The following RFPL1 variants were observed in gnomAD, a reference collection of about 807,000 sequenced individuals.
RFPL1 encodes ret finger protein-like 1.
In RFPL1, 6 loss-of-function variants were observed where a neutral mutation model predicts 9.6. The ratio of observed to expected loss-of-function variants is 0.62; its 90% CI spans 0.34 to 1.23. RFPL1 has a LOEUF of 1.23. RFPL1 is among the 50% of genes most tolerant of loss of function. RFPL1 has a pLI of 0.03. For synonymous variants in RFPL1, 145 were observed against 149.4 expected, an observed-to-expected ratio of 0.97 and a Z score of 0.22; for missense variants, 352 against 398.4, an observed-to-expected ratio of 0.88 and a Z score of 0.99.
chr22:29,427,810 A>G, the RFPL1 span, among the ~76,000 whole-genome samples: 1 of 152,160 alleles, frequency 6.6e-6, no homozygotes, highest in Non-Finnish European at 1.5e-5. Context: ...CTGTTCCAGG[A>G]GGCCTCTAAG....
the RFPL1 span, among the ~76,000 whole-genome samples, chr22:29,404,018 G>A: frequency 7.2e-5 from 11 of 151,920 alleles, no homozygotes; most frequent in Admixed American, 5.9e-4. Flanking sequence ...TAACTGAAAT[G>A]TCTAGTAAGG....
chr22:29,397,532 G>A, the RFPL1 span, among the ~76,000 whole-genome samples: 11 of 152,200 alleles, frequency 7.2e-5, no homozygotes, highest in East Asian at 1.9e-4. Context: ...GTTACCTGCC[G>A]ACCGATGGGC....
chr22:29,427,723 G>C, the RFPL1 span, among the ~76,000 whole-genome samples: 1 of 152,196 alleles, frequency 6.6e-6, no homozygotes, highest in Non-Finnish European at 1.5e-5. Flanking sequence ...CTGGACTGGG[G>C]GTGGGGGTGA....
upstream of RFPL1, among the ~76,000 whole-genome samples, chr22:29,435,983 C>G (rs534176027): frequency 1.3e-3 from 192 of 152,152 alleles, no homozygotes; most frequent in African/African-American, 4.5e-3. Context: ...TATATGGGAG[C>G]TAAATGAAAA....
At chr22:29,405,793 G>A in the RFPL1 span, among the ~76,000 whole-genome samples, 2 of 152,164 alleles carry the variant, frequency 1.3e-5, no homozygotes, top group Non-Finnish European at 1.5e-5. Flanking sequence ...CCGTCCCTCG[G>A]GGCTAATGTG....
At chr22:29,409,908 A>G in the RFPL1 span, among the ~76,000 whole-genome samples, 2 of 152,112 alleles carry the variant, frequency 1.3e-5, no homozygotes, top group Non-Finnish European at 2.9e-5. Flanking sequence ...ATCACTTACA[A>G]ATTATCTGGT....
the RFPL1 span, among the ~76,000 whole-genome samples, chr22:29,411,511 AT>A: frequency 0.26 from 40,295 of 152,192 alleles, 7,142 homozygotes; most frequent in East Asian, 0.47. Context: ...CATGCATTTT[AT>A]CTTCTTCAAA....
the RFPL1 span, among the ~76,000 whole-genome samples, chr22:29,408,955 A>G: frequency 6.9e-6 from 1 of 144,766 alleles, no homozygotes; most frequent in East Asian, 1.9e-4. Context: ...TATTTCACCA[A>G]GTGAATAAAG....
At chr22:29,433,540 T>C in the RFPL1 span, 1 of 179,272 alleles carries the variant, frequency 5.6e-6, no homozygotes, top group Non-Finnish European at 1.2e-5. Flanking sequence ...AACCCAAGGA[T>C]GCGGAAGTTT....
chr22:29,417,172 C>T, the RFPL1 span, among the ~76,000 whole-genome samples: 28,275 of 151,696 alleles, frequency 0.19, 3,196 homozygotes, highest in Non-Finnish European at 0.26. Flanking sequence ...GAGGCCGACT[C>T]GCTCTTTGGG....
the RFPL1 span, among the ~76,000 whole-genome samples, chr22:29,390,582 T>TTTTAATTATTTTTTA: frequency 1.4e-5 from 2 of 146,838 alleles, no homozygotes; most frequent in African/African-American, 5.1e-5. Flanking sequence ...CTTATTCCAT[T>TTTTAATTATTTTTTA]TTTATTTATT....
the RFPL1 span, among the ~76,000 whole-genome samples, chr22:29,404,455 T>C: frequency 4.6e-5 from 7 of 152,044 alleles, no homozygotes; most frequent in South Asian, 1.2e-3. Context: ...AGGTGTAATA[T>C]GAGAATTTTC....
At chr22:29,394,751 T>C in the RFPL1 span, among the ~76,000 whole-genome samples, 1 of 152,218 alleles carries the variant, frequency 6.6e-6, no homozygotes, top group African/African-American at 2.4e-5. Context: ...ACTCTCACCG[T>C]TCTCAATAGG....
chr22:29,441,152 A>G (rs142898094), intron 1 of RFPL1: 1 of 244,142 alleles, frequency 4.1e-6, no homozygotes, highest in Non-Finnish European at 8.0e-6. Flanking sequence ...GAGTTGAGCA[A>G]TACAAGATGG....
chr22:29,423,990 C>T, the RFPL1 span, among the ~76,000 whole-genome samples: 3 of 152,038 alleles, frequency 2.0e-5, no homozygotes, highest in East Asian at 1.9e-4. Context: ...GTCAGGAGAT[C>T]GAGACCAGAT....
At chr22:29,409,616 A>G in the RFPL1 span, among the ~76,000 whole-genome samples, 3 of 152,182 alleles carry the variant, frequency 2.0e-5, no homozygotes, top group Non-Finnish European at 4.4e-5. Flanking sequence ...GTCCATCTTG[A>G]AGACCTCATG....
At chr22:29,418,382 C>T in the RFPL1 span, among the ~76,000 whole-genome samples, 3 of 152,088 alleles carry the variant, frequency 2.0e-5, no homozygotes, top group Non-Finnish European at 4.4e-5. Context: ...TAGAGAAATC[C>T]AATCTGCACA....
chr22:29,412,124 G>C, the RFPL1 span, among the ~76,000 whole-genome samples: 7 of 152,112 alleles, frequency 4.6e-5, no homozygotes, highest in Non-Finnish European at 8.8e-5. Flanking sequence ...GGTGAGAGGG[G>C]CAGAACAGGA....
At chr22:29,416,973 G>A in the RFPL1 span, among the ~76,000 whole-genome samples, 1,310 of 152,224 alleles carry the variant, frequency 8.6e-3, 9 homozygotes, top group African/African-American at 0.023. Flanking sequence ...TCTATCTCTG[G>A]AATCATCATA....
Sources: allele counts gnomAD v4.1 joint callset (sites outside exome capture counted in the v4.1 genomes callset), GRCh38; gene constraint gnomAD v4.1.1; transcripts MANE v1.5; gene names NCBI Gene and HGNC (gene_info 2026-07-23, HGNC 2026-07-21).